Variants in PIK3C2G observed in about 807,000 individuals in gnomAD.
PIK3C2G encodes phosphatidylinositol-4-phosphate 3-kinase catalytic subunit type 2 gamma.
Under a neutral mutation model 181.1 loss-of-function variants are expected in PIK3C2G, and 168 were observed. The ratio of observed to expected loss-of-function variants is 0.93; its 90% CI spans 0.82 to 1.05. PIK3C2G has a LOEUF of 1.05. PIK3C2G is among the 50% of genes least tolerant of loss of function. The pLI is 0.00. For synonymous variants in PIK3C2G, 573 were observed against 592.2 expected (o/e 0.97, Z 0.47); for missense variants, 1,869 against 1,732.8 (o/e 1.08, Z -1.40).
At chr12:18,568,467 C>T (rs1377358264) in intron 29 of PIK3C2G, among the ~76,000 whole-genome samples, 2 of 151,818 alleles carry the variant, frequency 1.3e-5, no homozygotes, top group Non-Finnish European at 2.9e-5. Context: ...GTTTAATTGG[C>T]TCACATGATT....
upstream of PIK3C2G, among the ~76,000 whole-genome samples, chr12:18,243,803 A>G (rs1948010245): frequency 6.6e-6 from 1 of 152,018 alleles, no homozygotes; most frequent in African/African-American, 2.4e-5. Context: ...TTGCTACTTT[A>G]ATAATGTAAA....
At chr12:18,467,912 A>G (rs1938071613) in intron 18 of PIK3C2G, among the ~76,000 whole-genome samples, 1 of 152,054 alleles carries the variant, frequency 6.6e-6, no homozygotes, top group Non-Finnish European at 1.5e-5. Flanking sequence ...TGATACCATT[A>G]TTATAATAAA....
At chr12:18,655,506 C>G in the PIK3C2G span, among the ~76,000 whole-genome samples, 1 of 152,066 alleles carries the variant, frequency 6.6e-6, no homozygotes, top group Non-Finnish European at 1.5e-5. Context: ...ACATAGCTAC[C>G]CATTCCTTAC....
intron 20 of PIK3C2G, 90 bp downstream of exon 20, chr12:18,491,648 G>C (rs545734988): frequency 2.9e-6 from 2 of 698,220 alleles, no homozygotes; most frequent in Admixed American, 5.1e-5. Context: ...AAAAGAATTC[G>C]TAAGTTGACA....
chr12:18,389,814 A>T (rs893417078), intron 14 of PIK3C2G, among the ~76,000 whole-genome samples: 3 of 152,178 alleles, frequency 2.0e-5, no homozygotes, highest in Non-Finnish European at 4.4e-5. Flanking sequence ...TACACAAATA[A>T]TTTATTATAG....
At chr12:18,574,599 T>C (rs74068096) in intron 29 of PIK3C2G, among the ~76,000 whole-genome samples, 8,059 of 152,202 alleles carry the variant, frequency 0.053, 721 homozygotes, top group African/African-American at 0.18. Context: ...ATTCCTAGAC[T>C]CGACTCTGCA....
upstream of PIK3C2G, among the ~76,000 whole-genome samples, chr12:18,257,866 T>G (rs1011816811): frequency 1.3e-5 from 2 of 148,726 alleles, no homozygotes; most frequent in Admixed American, 1.3e-4. Flanking sequence ...AGAAAGAAGA[T>G]AGAAAAAGAA....
chr12:18,655,566 G>C, the PIK3C2G span, among the ~76,000 whole-genome samples: 1 of 152,118 alleles, frequency 6.6e-6, no homozygotes, highest in South Asian at 2.1e-4. Flanking sequence ...ATATGGAAAA[G>C]AGGATTGGGG....
intron 23 of PIK3C2G, 44 bp from the exon 24 acceptor site, chr12:18,505,248 A>C (rs1221632470): frequency 5.3e-6 from 8 of 1,503,334 alleles, no homozygotes; most frequent in Non-Finnish European, 7.2e-6. Context: ...GCATTTGCTC[A>C]TTTTTTGTTG....
chr12:18,507,132 C>T (rs61914376), intron 24 of PIK3C2G, among the ~76,000 whole-genome samples: 5 of 151,868 alleles, frequency 3.3e-5, no homozygotes, highest in Admixed American at 2.6e-4. Context: ...TGGGTTCAAG[C>T]GATTCTCCTG....
intron 24 of PIK3C2G, among the ~76,000 whole-genome samples, chr12:18,533,917 A>C (rs1943694354): frequency 6.6e-6 from 1 of 151,064 alleles, no homozygotes; most frequent in Non-Finnish European, 1.5e-5. Flanking sequence ...AATAAACAGC[A>C]AACTATTAAT....
intron 8 of PIK3C2G, among the ~76,000 whole-genome samples, chr12:18,327,767 A>G (rs529647318): frequency 2.0e-5 from 3 of 152,170 alleles, no homozygotes; most frequent in South Asian, 4.1e-4. Flanking sequence ...CTCCCCCCCA[A>G]GGTATCACTG....
chr12:18,709,930 A>AT, the PIK3C2G span, among the ~76,000 whole-genome samples: 11 of 151,770 alleles, frequency 7.2e-5, no homozygotes, highest in East Asian at 2.1e-3. Flanking sequence ...TGTAAATGAG[A>AT]TTTTTTCTTA....
At chr12:18,571,491 T>G (rs1945940608) in intron 29 of PIK3C2G, among the ~76,000 whole-genome samples, 1 of 150,880 alleles carries the variant, frequency 6.6e-6, no homozygotes, top group African/African-American at 2.5e-5. Context: ...TCTCATTATC[T>G]TCCTGTTAAT....
At chr12:18,423,614 C>A (rs1945613557) in intron 17 of PIK3C2G, among the ~76,000 whole-genome samples, 1 of 152,092 alleles carries the variant, frequency 6.6e-6, no homozygotes. Flanking sequence ...GAAAAAATAT[C>A]TGTGGCTTAA....
intron 29 of PIK3C2G, among the ~76,000 whole-genome samples, chr12:18,589,600 G>C (rs1482121384): frequency 6.6e-6 from 1 of 151,902 alleles, no homozygotes; most frequent in African/African-American, 2.4e-5. Flanking sequence ...GGTTAGAGGA[G>C]CAAGTAAATA....
At chr12:18,420,633 C>T (rs1290577484) in intron 16 of PIK3C2G, among the ~76,000 whole-genome samples, 1 of 152,070 alleles carries the variant, frequency 6.6e-6, no homozygotes, top group Non-Finnish European at 1.5e-5. Context: ...CAAAGATTTT[C>T]ATACTACTTT....
intron 10 of PIK3C2G, among the ~76,000 whole-genome samples, chr12:18,345,673 T>C (rs1939602318): frequency 2.0e-5 from 3 of 152,194 alleles, no homozygotes. Context: ...AAAAGGCAAT[T>C]CATGCTTTTT....
At chr12:18,364,620 C>G (rs1276789784) in intron 12 of PIK3C2G, among the ~76,000 whole-genome samples, 1 of 152,050 alleles carries the variant, frequency 6.6e-6, no homozygotes, top group Non-Finnish European at 1.5e-5. Flanking sequence ...TTAACCAACC[C>G]AGGTGCGGTG....
Sources: gnomAD v4.1 joint callset for allele counts (sites outside exome capture counted in the v4.1 genomes callset) on GRCh38, gnomAD v4.1.1 for gene constraint, MANE v1.5 for transcripts, NCBI Gene and HGNC (gene_info 2026-07-23, HGNC 2026-07-21) for gene names.